COL5A2: variants seen among roughly 807,000 people sequenced by gnomAD.
The protein encoded by COL5A2 is collagen alpha-2(V) chain.
A neutral mutation model predicts 208.2 loss-of-function variants in COL5A2; 23 were observed. The ratio of observed to expected loss-of-function variants is 0.11; its 90% CI spans 0.08 to 0.16. COL5A2 has a LOEUF of 0.16. Ranked by LOEUF, COL5A2 falls within the 10% of genes least tolerant of loss-of-function variation. The probability of loss-of-function intolerance (pLI) is 1.00; values close to 1 mark genes in which losing one functional copy is unlikely to be tolerated. For synonymous variants in COL5A2, 625 were observed against 628.5 expected (o/e 0.99, Z 0.08); for missense variants, 1,590 against 1,956.4 (o/e 0.81, Z 3.53).
At chr2:189,350,287 T>C in the COL5A2 span, among the ~76,000 whole-genome samples, 1 of 152,302 alleles carries the variant, frequency 6.6e-6, no homozygotes, top group African/African-American at 2.4e-5. Flanking sequence ...ACAGAAGTAC[T>C]GGAACAAAAT....
chr2:189,402,514 G>A, the COL5A2 span, among the ~76,000 whole-genome samples: 9 of 152,294 alleles, frequency 5.9e-5, no homozygotes, highest in East Asian at 5.8e-4. Flanking sequence ...CACTGTGCCC[G>A]GCCTATAGGT....
At chr2:189,237,271 T>G in the COL5A2 span, among the ~76,000 whole-genome samples, 1 of 151,768 alleles carries the variant, frequency 6.6e-6, no homozygotes, top group East Asian at 1.9e-4. Context: ...GTTAGTATTT[T>G]TTTAGAAGTT....
intron 51 of COL5A2, among the ~76,000 whole-genome samples, chr2:189,037,014 T>C (rs371158131): frequency 6.6e-6 from 1 of 152,182 alleles, no homozygotes; most frequent in East Asian, 1.9e-4. Flanking sequence ...CCAAACCATG[T>C]ACTTAAGGCT....
At position 189,065,051 on chromosome 2, in the gene COL5A2, G is replaced by A. The variant is rs200205564; in HGVS notation, c.1570C>T (p.Pro524Ser). Residue 524 changes from proline to serine, a missense_variant, in exon 24 of 54, where the codon CCT becomes TCT. By Grantham distance (74) the Pro-to-Ser change is moderately conservative (BLOSUM62 -1). Coordinates refer to ENST00000374866, the MANE Select transcript of COL5A2 (RefSeq NM_000393.5). Reference protein sequence around the residue: ...PPGPVGERGAPGNRGFPGSDG... With the variant: ...PPGPVGERGASGNRGFPGSDG... The stretch of plus-strand genomic sequence containing the variant: ...GAGCCTGGAAAACCACGATTGCCAG[G>A]AGCACCCTACAAATGACCAAAATGT... 3.7e-5 allele frequency: 59 copies of A among 1,613,526 alleles called. 1 individual carries two copies. Among genetic ancestry groups the A allele is most frequent in the Non-Finnish European group, 4.0e-5 (47 of 1,179,862 alleles).
intron 1 of COL5A2, among the ~76,000 whole-genome samples, chr2:189,172,540 A>G (rs1187229648): frequency 6.6e-6 from 1 of 152,190 alleles, no homozygotes; most frequent in East Asian, 1.9e-4. Flanking sequence ...TATTTCCTCA[A>G]TATTTCAGAT....
chr2:189,286,662 G>C, the COL5A2 span, among the ~76,000 whole-genome samples: 1 of 152,114 alleles, frequency 6.6e-6, no homozygotes, highest in Non-Finnish European at 1.5e-5. Flanking sequence ...GGTTTTAAGA[G>C]ACTTTATGGC....
the COL5A2 span, among the ~76,000 whole-genome samples, chr2:189,340,361 C>A: frequency 3.9e-5 from 6 of 152,156 alleles, no homozygotes; most frequent in African/African-American, 1.4e-4. Context: ...TGGAGGTGGG[C>A]AGATACTCAT....
At chr2:189,242,873 G>T in the COL5A2 span, among the ~76,000 whole-genome samples, 1 of 152,148 alleles carries the variant, frequency 6.6e-6, no homozygotes, top group Non-Finnish European at 1.5e-5. Context: ...GAACTTCGAG[G>T]GTAAGTAGGA....
chr2:189,314,731 A>C, the COL5A2 span, among the ~76,000 whole-genome samples: 1 of 152,208 alleles, frequency 6.6e-6, no homozygotes, highest in African/African-American at 2.4e-5. Context: ...AAACACAATC[A>C]TAAATGACAA....
chr2:189,284,678 T>C, the COL5A2 span, among the ~76,000 whole-genome samples: 1 of 152,180 alleles, frequency 6.6e-6, no homozygotes, highest in Non-Finnish European at 1.5e-5. Flanking sequence ...AAGTATTGAC[T>C]AATTGACTAA....
chr2:189,435,733 G>T, the COL5A2 span, among the ~76,000 whole-genome samples: 35 of 152,212 alleles, frequency 2.3e-4, no homozygotes, highest in Admixed American at 3.9e-4. Flanking sequence ...TTGGTGGGAC[G>T]GTAAACTAGT....
chr2:189,057,590 T>C (rs1007561905), intron 33 of COL5A2, among the ~76,000 whole-genome samples, 163 bp from the exon 34 acceptor site: 2 of 152,240 alleles, frequency 1.3e-5, no homozygotes, highest in African/African-American at 4.8e-5. Flanking sequence ...GTTGATATTT[T>C]GAAATTAAAA....
At chr2:189,104,438 T>C (rs887418379) in intron 2 of COL5A2, among the ~76,000 whole-genome samples, 161 bp from the exon 3 acceptor site, 1 of 151,970 alleles carries the variant, frequency 6.6e-6, no homozygotes, top group Non-Finnish European at 1.5e-5. Context: ...TTTGGATCAA[T>C]ACTTCCATAA....
the COL5A2 span, among the ~76,000 whole-genome samples, chr2:189,435,326 G>A: frequency 6.6e-6 from 1 of 152,254 alleles, no homozygotes; most frequent in South Asian, 2.1e-4. Flanking sequence ...ATTGACAAAT[G>A]GGATCTAATT....
intron 1 of COL5A2, among the ~76,000 whole-genome samples, chr2:189,174,878 G>T (rs551173970): frequency 1.3e-5 from 2 of 152,322 alleles, no homozygotes; most frequent in South Asian, 4.1e-4. Context: ...CTTCAGTTTA[G>T]TTTGAATAGA....
At chr2:189,338,261 C>A in the COL5A2 span, among the ~76,000 whole-genome samples, 1 of 152,178 alleles carries the variant, frequency 6.6e-6, no homozygotes, top group African/African-American at 2.4e-5. Flanking sequence ...CTGGCTCTCA[C>A]CTTTGCCACC....
the COL5A2 span, among the ~76,000 whole-genome samples, chr2:189,350,598 G>T: frequency 6.6e-6 from 1 of 152,286 alleles, no homozygotes; most frequent in Non-Finnish European, 1.5e-5. Flanking sequence ...CCTGCAGAGT[G>T]TTATTCCACA....
At chr2:189,374,410 A>T in the COL5A2 span, among the ~76,000 whole-genome samples, 1 of 152,082 alleles carries the variant, frequency 6.6e-6, no homozygotes. Context: ...ATTAACAACA[A>T]ATCAACCACG....
At chr2:189,059,792 C>T (rs1685988326) in intron 31 of COL5A2, among the ~76,000 whole-genome samples, 1 of 151,100 alleles carries the variant, frequency 6.6e-6, no homozygotes, top group African/African-American at 2.4e-5. Flanking sequence ...AGACGGTTGG[C>T]CAGGCTGGTC....
Sources: allele counts gnomAD v4.1 joint callset (sites outside exome capture counted in the v4.1 genomes callset), GRCh38; gene constraint gnomAD v4.1.1; transcripts MANE v1.5; gene names NCBI Gene and HGNC (gene_info 2026-07-23, HGNC 2026-07-21).